WASHC2C: variants seen among roughly 807,000 people sequenced by gnomAD.
WASHC2C encodes WASH complex subunit 2C.
In WASHC2C, 73 loss-of-function variants were observed where a neutral mutation model predicts 142.2. The observed-to-expected ratio is 0.51, with a 90% CI of 0.43 to 0.62. The LOEUF (loss-of-function observed/expected upper bound fraction) is 0.62. Among genes scored for constraint, WASHC2C ranks in the 20% least tolerant of loss-of-function variants. The pLI, the probability that WASHC2C is intolerant of heterozygous loss-of-function variation, is 0.00. For missense variants in WASHC2C, 969 were observed against 1,531.7 expected (o/e 0.63, Z 6.13); for synonymous variants, 337 against 565.5 (o/e 0.60, Z 5.73).
chr10:45,766,451 CTA>C (rs1268729466), intron 19 of WASHC2C, among the ~76,000 whole-genome samples: 1 of 145,568 alleles, frequency 6.9e-6, no homozygotes, highest in African/African-American at 2.6e-5. Flanking sequence ...GAGGATTCTT[CTA>C]TGTCCTGCTT....
chr10:45,787,815 C>T (rs1460995536), intron 28 of WASHC2C, among the ~76,000 whole-genome samples: 2 of 152,266 alleles, frequency 1.3e-5, no homozygotes, highest in African/African-American at 2.4e-5. Context: ...TGTGCTTCCA[C>T]ATCCCCACTT....
Position 45,727,308 on chromosome 10 carries a change from G to C in WASHC2C, c.-10G>C. On this transcript the variant is annotated 5_prime_UTR_variant, in exon 1 of 31. Transcript: ENST00000623400. ...GGCAGCCTCGGAGCCCACCGAGCCGGGCGGCTGGGATGGTGAGGGCGGCGG... is the reference window on the plus strand; with the variant it reads ...GGCAGCCTCGGAGCCCACCGAGCCGCGCGGCTGGGATGGTGAGGGCGGCGG... 6.4e-7 allele frequency: 1 copy of C among 1,570,554 alleles called. No homozygotes were observed. Among genetic ancestry groups the C allele is most frequent in the Non-Finnish European group, 8.6e-7 (1 of 1,159,182 alleles).
chr10:45,784,381 C>T (rs1402680717), intron 23 of WASHC2C, among the ~76,000 whole-genome samples, 184 bp from the exon 24 acceptor site: 1 of 139,676 alleles, frequency 7.2e-6, no homozygotes, highest in Admixed American at 7.4e-5. Context: ...TTGGAAGCGC[C>T]ATAGCATTCC....
chr10:45,777,114 T>G (rs1233734814), intron 21 of WASHC2C, among the ~76,000 whole-genome samples, 159 bp from the exon 22 acceptor site: 9 of 151,456 alleles, frequency 5.9e-5, no homozygotes, highest in African/African-American at 2.2e-4. Flanking sequence ...TGTTTGTTGC[T>G]TCTCCCTTTT....
chr10:45,784,321 T>C (rs200258052), intron 23 of WASHC2C, among the ~76,000 whole-genome samples: 1,238 of 106,956 alleles, frequency 0.012, 38 homozygotes, highest in African/African-American at 0.045. Flanking sequence ...TACACACACA[T>C]ATATATATAT....
intron 2 of WASHC2C, among the ~76,000 whole-genome samples, chr10:45,728,354 A>G (rs927361931): frequency 1.2e-4 from 19 of 152,312 alleles, no homozygotes; most frequent in African/African-American, 4.6e-4. Flanking sequence ...AAATTTTTCC[A>G]GAAACGAGAT....
chr10:45,731,641 CAA>C (rs1554862386), intron 3 of WASHC2C, among the ~76,000 whole-genome samples: 3 of 151,786 alleles, frequency 2.0e-5, no homozygotes, highest in African/African-American at 4.8e-5. Flanking sequence ...TTGCCGCTGC[CAA>C]ATCTTAATTA....
At chr10:45,746,476 G>T in intron 7 of WASHC2C, 124 bp from the exon 8 acceptor site, 2 of 1,148,628 alleles carry the variant, frequency 1.7e-6, no homozygotes, top group South Asian at 1.2e-5. Context: ...CAAAGAGACT[G>T]AGTGTCAGAG....
rs373906168 is a variant in WASHC2C at position 45,736,776 on chromosome 10, A to G, written c.292-1207A>G. ...CTATTTTAAAATACATCTCTTTTCC[A>G]TGTGCCTTTATATTGACTTAAAATT... On this transcript the variant is annotated intron_variant, in intron 3 of 30. Coordinates refer to ENST00000623400, the MANE Select transcript of WASHC2C (RefSeq NM_001330074.2). Among the ~76,000 whole-genome samples the G allele has an allele frequency of 1.2e-4, 18 of 152,260 alleles. No homozygotes were observed. The East Asian group carries it at 3.1e-3, about 26-fold the overall frequency.
chr10:45,784,314 A>C, intron 23 of WASHC2C, among the ~76,000 whole-genome samples: 1 of 85,548 alleles, frequency 1.2e-5, no homozygotes, highest in Non-Finnish European at 2.3e-5. Context: ...ATATATATAC[A>C]CACACATATA....
At chr10:45,759,766 C>T (rs1248958990) in intron 17 of WASHC2C, among the ~76,000 whole-genome samples, 1 of 152,108 alleles carries the variant, frequency 6.6e-6, no homozygotes, top group Non-Finnish European at 1.5e-5. Flanking sequence ...TTGCAATGAA[C>T]CGAGATCACA....
chr10:45,769,657 C>T (rs782336712), intron 20 of WASHC2C, 39 bp downstream of exon 20: 31 of 1,611,416 alleles, frequency 1.9e-5, no homozygotes, highest in East Asian at 1.6e-4. Flanking sequence ...ACTCCATTAC[C>T]GTGGTAACAA....
At chr10:45,791,306 A>G (rs1369173615) in intron 30 of WASHC2C, among the ~76,000 whole-genome samples, 1 of 152,042 alleles carries the variant, frequency 6.6e-6, no homozygotes, top group East Asian at 1.9e-4. Flanking sequence ...ATTATTTTAA[A>G]TACAAAAAAA....
intron 19 of WASHC2C, among the ~76,000 whole-genome samples, chr10:45,767,024 T>A (rs2055914273): frequency 6.6e-6 from 1 of 152,042 alleles, no homozygotes; most frequent in Non-Finnish European, 1.5e-5. Context: ...CCCAGCACTT[T>A]GAGAGTCTGA....
At chr10:45,729,708 C>G (rs2050310154) in intron 3 of WASHC2C, among the ~76,000 whole-genome samples, 1 of 149,698 alleles carries the variant, frequency 6.7e-6, no homozygotes, top group Non-Finnish European at 1.5e-5. Flanking sequence ...GGTAACAGAC[C>G]TGTGTTTCTC....
At chr10:45,758,567 C>T (rs1448118044) in intron 16 of WASHC2C, among the ~76,000 whole-genome samples, 1 of 149,050 alleles carries the variant, frequency 6.7e-6, no homozygotes, top group Non-Finnish European at 1.5e-5. Context: ...TGTATTCATT[C>T]TTCAGTGTAG....
rs1554891339 is a variant in WASHC2C at position 45,788,895 on chromosome 10, C to T, written c.3112C>T (p.Arg1038Cys). 20 of 1,611,876 alleles carry T rather than the reference C, an allele frequency of 1.2e-5. No homozygotes were observed. The South Asian group carries it at 1.4e-4, about 12-fold the overall frequency. Reference protein sequence around the residue: ...NKSRVKMRGKRRPQTRAARRL... With the variant: ...NKSRVKMRGKCRPQTRAARRL... ...GAGCCGTGTCAAGATGAGAGGGAAG[C>T]GTAGACCGCAGACCCGTGCAGCTAG... Residue 1038 changes from arginine (R) to cysteine (C), a missense_variant, in exon 29 of 31, where the codon CGT becomes TGT. By Grantham distance (180) the Arg-to-Cys change is radical (BLOSUM62 -3). Transcript: ENST00000623400.
chr10:45,790,288 T>G, intron 29 of WASHC2C, 68 bp from the exon 30 acceptor site: 1 of 1,607,900 alleles, frequency 6.2e-7, no homozygotes, highest in Admixed American at 1.7e-5. Context: ...CATAGCTTGT[T>G]GACGTGTTTG....
In WASHC2C at chr10:45,727,447, G is replaced by C; in HGVS notation, c.34G>C (p.Val12Leu). ...MNRTTPDQEL[V>L]PASEPVWERP... The stretch of plus-strand genomic sequence containing the variant: ...CCGGACGACCCCCGACCAGGAGCTG[G>C]TGCCGGCGTCGGAGCCCGTGTGGGA... Residue 12 changes from valine (V) to leucine (L), a missense_variant, in exon 2 of 31, where the codon GTG becomes CTG. Val to Leu is a conservative substitution (Grantham distance 32, BLOSUM62 1). Transcript: ENST00000623400. 1 of 1,611,316 alleles carries C rather than the reference G, an allele frequency of 6.2e-7. No homozygotes were observed. The highest frequency in any genetic ancestry group is 8.5e-7 in the Non-Finnish European group (1 of 1,179,434).
Sources: allele counts gnomAD v4.1 joint callset (sites outside exome capture counted in the v4.1 genomes callset), GRCh38; gene constraint gnomAD v4.1.1; transcripts MANE v1.5; gene names NCBI Gene and HGNC (gene_info 2026-07-23, HGNC 2026-07-21).